Variants in CHD7 observed in about 807,000 individuals in gnomAD.
CHD7 encodes the protein chromodomain helicase DNA binding protein 7, also known as ATP-dependent chromatin remodeler CHD7.
A neutral mutation model predicts 307.3 loss-of-function variants in CHD7; 24 were observed. The observed-to-expected ratio is 0.08, with a 90% CI of 0.06 to 0.11. The LOEUF (loss-of-function observed/expected upper bound fraction) is 0.11. Ranked by LOEUF, CHD7 falls within the 10% of genes least tolerant of loss-of-function variation. CHD7 has a pLI of 1.00. For synonymous variants in CHD7, 1,363 were observed against 1,349.9 expected, an observed-to-expected ratio of 1.01 and a Z score of -0.21; for missense variants, 3,106 against 3,727.1, an observed-to-expected ratio of 0.83 and a Z score of 4.34.
intron 2 of CHD7, among the ~76,000 whole-genome samples, chr8:60,777,339 T>A (rs1453361833): frequency 1.3e-5 from 2 of 152,236 alleles, no homozygotes; most frequent in Non-Finnish European, 2.9e-5. Flanking sequence ...ACTGTTAACA[T>A]TGCATCACTT....
chr8:60,743,468 A>T (rs1187042471), intron 2 of CHD7, among the ~76,000 whole-genome samples: 3 of 152,160 alleles, frequency 2.0e-5, no homozygotes, highest in African/African-American at 7.2e-5. Flanking sequence ...ATACACTGAC[A>T]CTTGGTTTCT....
intron 32 of CHD7, among the ~76,000 whole-genome samples, 154 bp from the exon 33 acceptor site, chr8:60,855,821 C>A (rs950679383): frequency 6.6e-6 from 1 of 152,212 alleles, no homozygotes; most frequent in Non-Finnish European, 1.5e-5. Flanking sequence ...TATTTACTTT[C>A]TTGTTTGATT....
intron 3 of CHD7, among the ~76,000 whole-genome samples, chr8:60,792,304 T>G (rs1239764839): frequency 6.6e-6 from 1 of 152,218 alleles, no homozygotes; most frequent in African/African-American, 2.4e-5. Flanking sequence ...CTCAATTAGC[T>G]TATTGCAGAA....
At chr8:60,811,697 G>A (rs1002152712) in intron 7 of CHD7, among the ~76,000 whole-genome samples, 5 of 151,860 alleles carry the variant, frequency 3.3e-5, no homozygotes, top group African/African-American at 4.8e-5. Context: ...GTGAATTCCC[G>A]GAAGTGAGTT....
intron 7 of CHD7, among the ~76,000 whole-genome samples, chr8:60,815,803 G>A (rs1418539344): frequency 6.6e-6 from 1 of 152,170 alleles, no homozygotes; most frequent in Non-Finnish European, 1.5e-5. Flanking sequence ...GCAGACAGTG[G>A]TTCTTTCCTC....
At chr8:60,852,423 G>A in intron 29 of CHD7, 75 bp from the exon 30 acceptor site, 1 of 1,426,842 alleles carries the variant, frequency 7.0e-7, no homozygotes, top group Non-Finnish European at 9.6e-7. Context: ...AAGTCTGGGG[G>A]GAAGAAGAAA....
At chr8:60,806,280 G>A (rs10088465) in intron 6 of CHD7, among the ~76,000 whole-genome samples, 117,903 of 151,902 alleles carry the variant, frequency 0.78, 45,989 homozygotes, top group East Asian at 0.94. Flanking sequence ...GGAGAATGGC[G>A]TGAACCTGCG....
intron 2 of CHD7, among the ~76,000 whole-genome samples, chr8:60,750,950 G>A (rs1809613141): frequency 6.6e-6 from 1 of 152,172 alleles, no homozygotes; most frequent in Non-Finnish European, 1.5e-5. Flanking sequence ...GTGTTTTTAG[G>A]TATAATGAAT....
At chr8:60,751,774 T>C (rs1473877047) in intron 2 of CHD7, among the ~76,000 whole-genome samples, 1 of 152,120 alleles carries the variant, frequency 6.6e-6, no homozygotes, top group East Asian at 1.9e-4. Context: ...GCAGGAGTGG[T>C]GGAGGGCTAG....
intron 19 of CHD7, among the ~76,000 whole-genome samples, chr8:60,838,662 A>G (rs533483481): frequency 3.5e-4 from 54 of 152,324 alleles, no homozygotes; most frequent in African/African-American, 1.3e-3. Context: ...CTAAATCTCC[A>G]TACATAAACT....
chr8:60,761,345 G>T (rs1334868313), intron 2 of CHD7, among the ~76,000 whole-genome samples: 2 of 117,704 alleles, frequency 1.7e-5, no homozygotes, highest in African/African-American at 3.3e-5. Context: ...ACTGTTGTGG[G>T]GTGGGGGGAG....
intron 9 of CHD7, 139 bp from the exon 10 acceptor site, chr8:60,821,651 T>TACAC: frequency 1.6e-6 from 1 of 609,400 alleles, no homozygotes; most frequent in Admixed American, 3.6e-5. Flanking sequence ...AACATATATA[T>TACAC]ACACATACAT....
At chr8:60,785,349 T>C (rs1272596239) in intron 3 of CHD7, among the ~76,000 whole-genome samples, 1 of 152,264 alleles carries the variant, frequency 6.6e-6, no homozygotes, top group Admixed American at 6.5e-5. Context: ...GCTCTGTCCC[T>C]AGTATTAAAC....
chr8:60,705,185 G>A (rs1052527573), intron 1 of CHD7, among the ~76,000 whole-genome samples: 1 of 151,990 alleles, frequency 6.6e-6, no homozygotes, highest in South Asian at 2.1e-4. Context: ...AATAGGTCTC[G>A]GCCTGGAAGA....
In CHD7 at chr8:60,865,253, C is replaced by G; in HGVS notation, c.8314C>G (p.Leu2772Val). The change falls in exon 38 of 38, where the codon CTC becomes GTC. Residue 2772 changes from leucine (L) to valine (V), a missense_variant. Leu to Val is a conservative substitution (Grantham distance 32). Around this residue, in one of 10 missense-constraint regions of CHD7, gnomAD observed 351 missense variants for 366.2 expected, o/e 0.96. Coordinates refer to ENST00000423902, the MANE Select transcript of CHD7 (RefSeq NM_017780.4). This position sits in a 1 kb window ranked among gnomAD's most constrained non-coding sequence, Gnocchi z 4.3. The stretch of plus-strand genomic sequence containing the variant: ...TCTCCAGTCGCTCCAGCTGGCAGGC[C>G]TCATGGGCTTCCCTCCAGGACTGGC... ...QNLQSLQLAG[L>V]MGFPPGLATA... is the part of the protein sequence containing the mutation. The G allele has an allele frequency of 6.2e-7, 1 of 1,607,280 alleles. No homozygotes were observed. Among genetic ancestry groups the G allele is most frequent in the East Asian group, 2.2e-5 (1 of 44,650 alleles).
At chr8:60,819,229 A>C (rs1803905151) in intron 8 of CHD7, among the ~76,000 whole-genome samples, 1 of 152,198 alleles carries the variant, frequency 6.6e-6, no homozygotes, top group Non-Finnish European at 1.5e-5. Flanking sequence ...CTGAGATTAC[A>C]GGCGTGAGTC....
chr8:60,810,604 T>C (rs569262456), intron 7 of CHD7, among the ~76,000 whole-genome samples: 33 of 152,284 alleles, frequency 2.2e-4, no homozygotes, highest in Non-Finnish European at 4.4e-4. Flanking sequence ...GGCTCTCTTA[T>C]TTTTTATGTT....
In CHD7 at chr8:60,742,607, C is replaced by T. The variant is rs373112189; in HGVS notation, c.1175C>T (p.Ser392Phe). 8.3e-5 allele frequency: 134 copies of T among 1,613,246 alleles called. No homozygotes were observed. The highest frequency in any genetic ancestry group is 1.1e-4 in the Non-Finnish European group (125 of 1,179,418). The change falls in exon 2 of 38, where the codon TCT (serine) becomes TTT (phenylalanine). Residue 392 changes from serine to phenylalanine, a missense_variant. By Grantham distance (155) the Ser-to-Phe change is radical. This residue lies in a region of CHD7 where 998 missense variants were observed against 1,004.5 expected (regional missense o/e 0.99). Coordinates refer to ENST00000423902, the MANE Select transcript of CHD7 (RefSeq NM_017780.4). Reference sequence around the variant, plus strand: ...TCACAGCCTCAGGGAACTTATGCCTCTCCACCTCCCATGTCACCCATGAAA... The same window carrying T: ...TCACAGCCTCAGGGAACTTATGCCTTTCCACCTCCCATGTCACCCATGAAA... ...HPSQPQGTYA[S>F]PPPMSPMKAM...
chr8:60,791,523 C>G (rs1811771421), intron 3 of CHD7, among the ~76,000 whole-genome samples: 1 of 152,212 alleles, frequency 6.6e-6, no homozygotes, highest in African/African-American at 2.4e-5. Flanking sequence ...CCTTTTCATA[C>G]GTTCCAGCTT....
Sources: allele counts gnomAD v4.1 joint callset (sites outside exome capture counted in the v4.1 genomes callset), GRCh38; gene constraint gnomAD v4.1.1; regional missense constraint gnomAD v4.1.1; non-coding constraint Gnocchi (gnomAD v3.1); transcripts MANE v1.5; gene names NCBI Gene and HGNC (gene_info 2026-07-23, HGNC 2026-07-21).